Variants in PARP15 observed in about 807,000 individuals in gnomAD.
PARP15 encodes the protein protein mono-ADP-ribosyltransferase PARP15.
A neutral mutation model predicts 62.1 loss-of-function variants in PARP15; 50 were observed. The observed-to-expected ratio is 0.81, with a 90% CI of 0.64 to 1.02. PARP15 has a LOEUF of 1.02. Ranked by LOEUF, PARP15 falls within the 50% of genes least tolerant of loss-of-function variation. The pLI is 0.00. For missense variants in PARP15, 820 were observed against 826.5 expected, an observed-to-expected ratio of 0.99 and a Z score of 0.10; for synonymous variants, 309 against 293.1, an observed-to-expected ratio of 1.05 and a Z score of -0.55.
At chr3:122,610,869 G>A (rs1935517743) in intron 3 of PARP15, 139 bp downstream of exon 3, 1 of 627,552 alleles carries the variant, frequency 1.6e-6, no homozygotes, top group African/African-American at 1.9e-5. Context: ...CTGGTATCTA[G>A]TGGGTAGAAG....
At chr3:122,583,114 C>CTTTTTTTTTTTTT (rs67942585) in intron 1 of PARP15, among the ~76,000 whole-genome samples, 12 of 83,440 alleles carry the variant, frequency 1.4e-4, no homozygotes, top group Non-Finnish European at 1.7e-4. Context: ...TCATCTGTAT[C>CTTTTTTTTTTTTT]TTTTTTTTTT....
At chr3:122,588,152 T>A (rs1933600475) in intron 1 of PARP15, among the ~76,000 whole-genome samples, 1 of 152,126 alleles carries the variant, frequency 6.6e-6, no homozygotes, top group Non-Finnish European at 1.5e-5. Flanking sequence ...TTTTACCAAA[T>A]TTTATAGTTG....
At chr3:122,604,373 C>T (rs1444030851) in intron 1 of PARP15, among the ~76,000 whole-genome samples, 1 of 152,172 alleles carries the variant, frequency 6.6e-6, no homozygotes, top group African/African-American at 2.4e-5. Context: ...TGAGTGCCTC[C>T]TGAAGAGCAC....
At chr3:122,600,965 A>G (rs1187288955) in intron 1 of PARP15, among the ~76,000 whole-genome samples, 1 of 151,388 alleles carries the variant, frequency 6.6e-6, no homozygotes, top group African/African-American at 2.4e-5. Flanking sequence ...CATTGTTATT[A>G]ACTAATGTCC....
chr3:122,600,539 C>G (rs536171731), intron 1 of PARP15, among the ~76,000 whole-genome samples: 40 of 152,232 alleles, frequency 2.6e-4, no homozygotes, highest in Non-Finnish European at 5.1e-4. Context: ...TATCTCTACT[C>G]CTGCAAGTTA....
intron 1 of PARP15, among the ~76,000 whole-genome samples, chr3:122,579,670 T>C (rs2080757524): frequency 6.6e-6 from 1 of 152,116 alleles, no homozygotes; most frequent in African/African-American, 2.4e-5. Flanking sequence ...TTTCATTATT[T>C]GAATTCTTTA....
rs1211697042 is a variant in PARP15, at chr3:122,600,882, C to A, written c.187-5054C>A. 5.3e-5 allele frequency among the ~76,000 whole-genome samples: 8 copies of A among 151,546 alleles called. No homozygotes were observed. In the East Asian group the frequency reaches 9.6e-4, roughly 18 times the overall value. On this transcript the variant is annotated intron_variant, in intron 1 of 11. Coordinates refer to ENST00000464300, the MANE Select transcript of PARP15 (RefSeq NM_001113523.3). ...GAAAGCGGAAAATTCTCAAATACCCCCCTCCCCTAGTTTCCCCTATTATTA... is the reference window on the plus strand; with the variant it reads ...GAAAGCGGAAAATTCTCAAATACCCACCTCCCCTAGTTTCCCCTATTATTA...
intron 1 of PARP15, among the ~76,000 whole-genome samples, chr3:122,578,136 A>G (rs1275683153): frequency 6.6e-6 from 1 of 151,450 alleles, no homozygotes; most frequent in African/African-American, 2.4e-5. Context: ...ATGTGTTATG[A>G]ATATGTCCTC....
Position 122,626,975 on chromosome 3 carries a change from GA to G in PARP15, c.1387del (p.Arg463GlufsTer7), listed in dbSNP as rs750794681. ...TGCTAAATATATTCTACGACAGCATGAAAAAAAGAGACCTCTCTGCATCACT... is the reference window on the plus strand; with the variant it reads ...TGCTAAATATATTCTACGACAGCATGAAAAAAGAGACCTCTCTGCATCACT... ...ELLNIFYDSM[K>X]KRDLSASLNF... is the part of the protein sequence containing the mutation. On this transcript the variant is annotated frameshift_variant, in exon 9 of 12. Transcript: ENST00000464300. LOFTEE classifies it high-confidence loss of function. The G allele has an allele frequency of 1.9e-6, 3 of 1,612,554 alleles. No homozygotes were observed. The highest frequency in any genetic ancestry group is 1.7e-4 in the Middle Eastern group (1 of 6,060).
chr3:122,608,768 C>CTTTTTTTTTTTTTTTTTTTTTT (rs200651765), intron 2 of PARP15, among the ~76,000 whole-genome samples: 1 of 137,182 alleles, frequency 7.3e-6, no homozygotes. Context: ...AACAAGGTTA[C>CTTTTTTTTTTTTTTTTTTTTTT]TTTTTTTTTT....
chr3:122,627,133 T>G lies in PARP15; in HGVS notation c.1438+100T>G, dbSNP rs58265504. ...CACTGAGTTTATAGTTTTCTATTCG[T>G]TTTAGGACTTTTCAGACAACTTCTT... On this transcript the variant is annotated intron_variant, in intron 9 of 11. Coordinates refer to ENST00000464300, the MANE Select transcript of PARP15 (RefSeq NM_001113523.3). 4,025 of 1,044,982 alleles carry G rather than the reference T, an allele frequency of 3.9e-3. 111 individuals carry two copies. The African/African-American group carries it at 0.055, about 14-fold the overall frequency. 64.7% of individuals were successfully genotyped at this position (1,044,982 alleles called of 1,614,324 possible).
rs143390953 is a variant in PARP15 at position 122,594,557 on chromosome 3, G to A, written c.187-11379G>A. 5.0e-3 allele frequency: 4,867 copies of A among 982,032 alleles called. 19 individuals carry two copies. The highest frequency in any genetic ancestry group is 5.6e-3 in the Non-Finnish European group (4,638 of 826,880). The allele number at this position is 982,032 out of a possible 1,614,324, so 60.8% of individuals were successfully genotyped here. The stretch of plus-strand genomic sequence containing the variant: ...TTGCTGTGTATTCAGGGTAGGCAAC[G>A]TAGGGTAAGTTGAAATTGATATAGG... On this transcript the variant is annotated intron_variant, in intron 1 of 11. Coordinates refer to ENST00000464300, the MANE Select transcript of PARP15 (RefSeq NM_001113523.3).
chr3:122,629,800 T>C (rs183395949), intron 9 of PARP15, among the ~76,000 whole-genome samples: 31 of 152,244 alleles, frequency 2.0e-4, no homozygotes, highest in Non-Finnish European at 4.0e-4. Flanking sequence ...TAGATTCTCA[T>C]TAGGAGTGCA....
rs1553725411 is a variant in PARP15, at chr3:122,579,999, G to GTATGTATATATA, written c.186+2149_186+2150insGTATATATATAT. ...GTCTGAACAACAACAGCAACTATAT[G>GTATGTATATATA]TATATATATATATATATATATATAT... On this transcript the variant is annotated intron_variant, in intron 1 of 11. Transcript: ENST00000464300. 4.6e-3 allele frequency among the ~76,000 whole-genome samples: 297 copies of GTATGTATATATA among 64,418 alleles called. 9 individuals are homozygous for GTATGTATATATA. The highest frequency in any genetic ancestry group is 0.014 in the African/African-American group (284 of 20,128). 42.3% of individuals were successfully genotyped at this position (64,418 alleles called of 152,430 possible). A position where few individuals can be genotyped will look rare whatever the true frequency, so the allele number is the denominator to read the frequency against.
At chr3:122,633,678 C>G (rs9820197) in intron 10 of PARP15, among the ~76,000 whole-genome samples, 13,665 of 152,118 alleles carry the variant, frequency 0.09, 780 homozygotes, top group East Asian at 0.17. Context: ...TATATTAATA[C>G]AAATACAGTA....
At chr3:122,632,760 G>C (rs1937132765) in intron 10 of PARP15, among the ~76,000 whole-genome samples, 1 of 152,178 alleles carries the variant, frequency 6.6e-6, no homozygotes, top group South Asian at 2.1e-4. Context: ...CCGTGTCTAG[G>C]GAATACCTTG....
intron 3 of PARP15, among the ~76,000 whole-genome samples, chr3:122,612,292 C>T (rs116740755): frequency 3.4e-5 from 5 of 148,310 alleles, no homozygotes; most frequent in East Asian, 2.1e-4. Context: ...AGGACTCAAG[C>T]GATCTGCCCA....
intron 10 of PARP15, among the ~76,000 whole-genome samples, chr3:122,634,375 G>C (rs1035962576): frequency 6.6e-6 from 1 of 152,210 alleles, no homozygotes; most frequent in African/African-American, 2.4e-5. Flanking sequence ...GATTCATAGA[G>C]ATGTTCAGTA....
intron 2 of PARP15, among the ~76,000 whole-genome samples, chr3:122,608,663 C>T (rs968753924): frequency 6.6e-6 from 1 of 152,086 alleles, no homozygotes; most frequent in African/African-American, 2.4e-5. Context: ...CTATTCCAAT[C>T]TAAATGATTT....
Sources: allele counts gnomAD v4.1 joint callset (sites outside exome capture counted in the v4.1 genomes callset), GRCh38; gene constraint gnomAD v4.1.1; transcripts MANE v1.5; gene names NCBI Gene and HGNC (gene_info 2026-07-23, HGNC 2026-07-21).